TNRC6B: variants seen among roughly 807,000 people sequenced by gnomAD.
TNRC6B encodes the protein trinucleotide repeat containing adaptor 6B.
TNRC6B carries 52 observed loss-of-function variants against 203.6 expected under a neutral mutation model. The observed-to-expected ratio is 0.26, with a 90% CI of 0.20 to 0.32. The LOEUF (loss-of-function observed/expected upper bound fraction) is 0.32. Ranked by LOEUF, TNRC6B falls within the 10% of genes least tolerant of loss-of-function variation. TNRC6B has a pLI of 1.00. For missense variants in TNRC6B, 1,923 were observed against 2,286.2 expected (o/e 0.84, Z 3.24); for synonymous variants, 838 against 845.7 (o/e 0.99, Z 0.16).
chr22:40,209,577 G>A (rs890593276), intron 1 of TNRC6B, among the ~76,000 whole-genome samples: 4 of 152,200 alleles, frequency 2.6e-5, no homozygotes, highest in Non-Finnish European at 4.4e-5. Flanking sequence ...ACGCTAACCT[G>A]CCATGGCATG....
rs2146501323 is a variant in TNRC6B at position 40,266,648 on chromosome 22, G to T, written c.2418G>T (p.Trp806Cys). 1 of 1,612,824 alleles carries T rather than the reference G, an allele frequency of 6.2e-7. No individual in the cohort carries two copies. Among genetic ancestry groups the T allele is most frequent in the East Asian group, 2.2e-5 (1 of 44,870 alleles). The change falls in exon 5 of 23, where the codon TGG (tryptophan) becomes TGT (cysteine). Residue 806 changes from tryptophan to cysteine, a missense_variant. By Grantham distance (215) the Trp-to-Cys change is radical (BLOSUM62 -2). Coordinates refer to ENST00000454349, the MANE Select transcript of TNRC6B (RefSeq NM_001162501.2). ...GWEDCKRSPA[W>C]NETGRQPNSW... ...AGGATTGCAAAAGATCCCCAGCATG[G>T]AATGAGACGGGCCGACAGCCCAATT...
chr22:40,275,097 G>A (rs879008638), intron 7 of TNRC6B, among the ~76,000 whole-genome samples: 3 of 152,180 alleles, frequency 2.0e-5, no homozygotes, highest in Admixed American at 2.0e-4. Flanking sequence ...CACTAATTTT[G>A]TAGATGACTC....
intron 21 of TNRC6B, among the ~76,000 whole-genome samples, chr22:40,318,654 T>G (rs2071292476): frequency 6.6e-6 from 1 of 152,194 alleles, no homozygotes; most frequent in Non-Finnish European, 1.5e-5. Flanking sequence ...GTATACCTCC[T>G]ATTTTCTAAG....
chr22:40,218,047 A>G (rs1349271471), intron 1 of TNRC6B, among the ~76,000 whole-genome samples: 1 of 151,686 alleles, frequency 6.6e-6, no homozygotes, highest in Non-Finnish European at 1.5e-5. Flanking sequence ...GACAAAACCT[A>G]TTTGTCTCAG....
In TNRC6B at chr22:40,332,888, G is replaced by A. The variant is rs182483931; in HGVS notation, c.*9647G>A. 3.9e-5 allele frequency: 6 copies of A among 152,586 alleles called. No individual in the cohort carries two copies. Among genetic ancestry groups the A allele is most frequent in the African/African-American group, 9.6e-5 (4 of 41,524 alleles). The allele number at this position is 152,586 out of a possible 1,614,324, so 9.5% of individuals were successfully genotyped here. ...ACCCTAAAATATGTTTTCTTCTTTT[G>A]TATTTTTTTGGTTTTTGTTTTTAAG... On this transcript the variant is annotated 3_prime_UTR_variant, in exon 23 of 23. Transcript: ENST00000454349.
At chr22:40,315,253 T>G in intron 19 of TNRC6B, 30 bp from the exon 20 acceptor site, 1 of 1,585,832 alleles carries the variant, frequency 6.3e-7, no homozygotes, top group African/African-American at 1.3e-5. Flanking sequence ...CGTCTAACCT[T>G]ATTCCTTCCT....
intron 1 of TNRC6B, among the ~76,000 whole-genome samples, chr22:40,102,489 G>C (rs9611265): frequency 0.21 from 32,334 of 152,070 alleles, 4,396 homozygotes; most frequent in Non-Finnish European, 0.31. Context: ...ACATGATTTG[G>C]CCTCACATGT....
chr22:40,071,021 T>C (rs1415784244), intron 1 of TNRC6B, among the ~76,000 whole-genome samples: 1 of 152,192 alleles, frequency 6.6e-6, no homozygotes, highest in African/African-American at 2.4e-5. Flanking sequence ...TTTCAGAAGT[T>C]TTTGGATTTT....
Position 40,323,056 on chromosome 22 carries a change from G to A in TNRC6B, c.5317G>A (p.Gly1773Arg), listed in dbSNP as rs1230284647. The part of the protein sequence containing the change: ...LNLFGGSTGL[G>R]QWSSSAGGSS... ...TCTTTTTGGTGGGTCCACTGGGCTC[G>A]GGCAGTGGAGCAGCAGCGCTGGTGG... Residue 1773 changes from glycine (G) to arginine (R), a missense_variant, in exon 23 of 23, where the codon GGG becomes AGG. Coordinates refer to ENST00000454349, the MANE Select transcript of TNRC6B (RefSeq NM_001162501.2). 24 of 1,601,966 alleles carry A rather than the reference G, an allele frequency of 1.5e-5. No homozygotes were observed. Among genetic ancestry groups the A allele is most frequent in the Non-Finnish European group, 1.8e-5 (21 of 1,173,882 alleles).
At chr22:40,103,968 G>T (rs2068261213) in intron 1 of TNRC6B, among the ~76,000 whole-genome samples, 1 of 148,728 alleles carries the variant, frequency 6.7e-6, no homozygotes, top group Non-Finnish European at 1.5e-5. Flanking sequence ...AAGAAAAAAA[G>T]AAGGCTGGGC....
At chr22:40,318,545 T>G (rs2071291016) in intron 21 of TNRC6B, among the ~76,000 whole-genome samples, 1 of 151,938 alleles carries the variant, frequency 6.6e-6, no homozygotes, top group Non-Finnish European at 1.5e-5. Flanking sequence ...AGACTTCATC[T>G]CAGAGAAAAA....
upstream of TNRC6B, among the ~76,000 whole-genome samples, chr22:40,176,991 A>T: frequency 6.6e-6 from 1 of 152,042 alleles, no homozygotes; most frequent in Non-Finnish European, 1.5e-5. Context: ...GCAGGGTGGG[A>T]GGATGGGTAA....
chr22:40,064,788 TG>T (rs1271779641), intron 1 of TNRC6B, among the ~76,000 whole-genome samples: 2 of 151,596 alleles, frequency 1.3e-5, no homozygotes, highest in African/African-American at 4.9e-5. Context: ...GACTAATTTT[TG>T]TATTTTTAGT....
intron 1 of TNRC6B, among the ~76,000 whole-genome samples, chr22:40,070,906 A>G (rs983989011): frequency 6.6e-6 from 1 of 152,200 alleles, no homozygotes; most frequent in Non-Finnish European, 1.5e-5. Flanking sequence ...CTAAAGTCTA[A>G]AGTGGGTAGA....
chr22:40,239,407 T>C (rs2069996103), intron 1 of TNRC6B, among the ~76,000 whole-genome samples: 2 of 152,126 alleles, frequency 1.3e-5, no homozygotes, highest in African/African-American at 4.8e-5. Flanking sequence ...TCATCTGCCT[T>C]GAGACCTTGA....
intron 12 of TNRC6B, among the ~76,000 whole-genome samples, chr22:40,291,165 T>G (rs1305277976): frequency 1.3e-5 from 2 of 152,060 alleles, no homozygotes; most frequent in East Asian, 1.9e-4. Context: ...ATGGGCAGAT[T>G]GCTTGAGCCC....
intron 1 of TNRC6B, among the ~76,000 whole-genome samples, chr22:40,070,805 G>A (rs1465868565): frequency 6.6e-6 from 1 of 150,930 alleles, no homozygotes; most frequent in South Asian, 2.1e-4. Context: ...CTAATAAGAT[G>A]CACTTACCAT....
intron 3 of TNRC6B, among the ~76,000 whole-genome samples, chr22:40,150,288 G>C (rs2068738861): frequency 6.6e-6 from 1 of 152,198 alleles, no homozygotes; most frequent in South Asian, 2.1e-4. Flanking sequence ...TGAGGCAGGA[G>C]AATGGCGTGA....
intron 3 of TNRC6B, among the ~76,000 whole-genome samples, chr22:40,133,991 A>AC (rs2068575962): frequency 6.6e-6 from 1 of 151,186 alleles, no homozygotes; most frequent in Admixed American, 6.6e-5. Context: ...AAAAAAAAAA[A>AC]AAAAAACAGG....
Sources: allele counts gnomAD v4.1 joint callset (sites outside exome capture counted in the v4.1 genomes callset), GRCh38; gene constraint gnomAD v4.1.1; transcripts MANE v1.5; gene names NCBI Gene and HGNC (gene_info 2026-07-23, HGNC 2026-07-21).